The following ASPM variants were observed in gnomAD, a reference collection of about 807,000 sequenced individuals.
ASPM encodes assembly factor for spindle microtubules, also known as abnormal spindle-like microcephaly-associated protein.
Under a neutral mutation model 366.4 loss-of-function variants are expected in ASPM, and 256 were observed. That is an observed-to-expected ratio of 0.70 (90% CI 0.63 to 0.77). The LOEUF is 0.77. ASPM is among the 30% of genes least tolerant of loss of function. ASPM has a pLI of 0.00. For missense variants in ASPM, 4,146 were observed against 4,090.4 expected, an observed-to-expected ratio of 1.01 and a Z score of -0.37; for synonymous variants, 1,414 against 1,342.9, an observed-to-expected ratio of 1.05 and a Z score of -1.16.
At position 197,103,287 on chromosome 1, in the gene ASPM, CTTT is replaced by C. The variant is rs1385029668; in HGVS notation, c.5961_5963del (p.Lys1989del). The C allele has an allele frequency of 3.1e-6, 5 of 1,612,972 alleles. No homozygotes were observed. In the South Asian group the frequency reaches 3.3e-5, roughly 11 times the overall value. On this transcript the variant is annotated inframe_deletion, in exon 18 of 28. Coordinates refer to ENST00000367409, the MANE Select transcript of ASPM (RefSeq NM_018136.5). ...CAGCTTTTTTCATGATTTTCCACTTCTTTTGTTGCACATGCATTCTATAGTATG... is the reference window on the plus strand; with the variant it reads ...CAGCTTTTTTCATGATTTTCCACTTCTGTTGCACATGCATTCTATAGTATG...
At chr1:197,123,921 G>A (rs1188174284) in intron 13 of ASPM, among the ~76,000 whole-genome samples, 189 bp downstream of exon 13, 1 of 152,040 alleles carries the variant, frequency 6.6e-6, no homozygotes, top group African/African-American at 2.4e-5. Flanking sequence ...AAATTATCAT[G>A]TATCACACAA....
At chr1:197,085,449 T>C (rs978518082) in intron 27 of ASPM, among the ~76,000 whole-genome samples, 2 of 152,108 alleles carry the variant, frequency 1.3e-5, no homozygotes, top group Non-Finnish European at 2.9e-5. Context: ...TCTTCTCACA[T>C]AATTCCCTAC....
chr1:197,098,248 A>G (rs1312374737), intron 18 of ASPM, among the ~76,000 whole-genome samples: 1 of 151,228 alleles, frequency 6.6e-6, no homozygotes, highest in Non-Finnish European at 1.5e-5. Context: ...AGTAATGTAT[A>G]CTATATCCCA....
rs376541100 is a variant in ASPM, at chr1:197,117,899, C to A, written c.3955G>T (p.Ala1319Ser). The change falls in exon 17 of 28, where the codon GCA becomes TCA. Residue 1319 changes from alanine to serine, a missense_variant. By Grantham distance (99) the Ala-to-Ser change is moderately conservative (BLOSUM62 1). Transcript: ENST00000367409. The part of the protein sequence containing the change: ...KQRLRKRVNA[A>S]LVIQKYWRRV... ...CGCCAATATTTCTGAATGACGAGTG[C>A]TGCATTAACTCTTTTTCTCAATCTT... is the stretch of plus-strand genomic sequence containing the variant. 78 of 1,613,136 alleles carry A rather than the reference C, an allele frequency of 4.8e-5. No individual in the cohort carries two copies. In the East Asian group the frequency reaches 5.6e-4, roughly 12 times the overall value.
chr1:197,135,646 T>G (rs1658398293), intron 4 of ASPM, among the ~76,000 whole-genome samples: 3 of 148,440 alleles, frequency 2.0e-5, no homozygotes, highest in Admixed American at 6.7e-5. Context: ...TTTTTTTTTT[T>G]GCCTTTTTGG....
chr1:197,143,345 AAC>A lies in ASPM; in HGVS notation c.905_906del (p.Cys302PhefsTer22), dbSNP rs1366638873. 6.2e-7 allele frequency: 1 copy of A among 1,614,014 alleles called. No homozygotes were observed. Among genetic ancestry groups the A allele is most frequent in the African/African-American group, 1.3e-5 (1 of 75,074 alleles). On this transcript the variant is annotated frameshift_variant, in exon 3 of 28. Coordinates refer to ENST00000367409, the MANE Select transcript of ASPM (RefSeq NM_018136.5). LOFTEE classifies it high-confidence loss of function. ...ENSKLSLTPN[C>X]SSTLNITQSQ... The stretch of plus-strand genomic sequence containing the variant: ...CTTTGTGTAATGTTCAAAGTTGAAG[AAC>A]AGTTGGGGGTAAGACTAAGTTTACT...
chr1:197,087,610 T>C (rs1656637208), intron 26 of ASPM, among the ~76,000 whole-genome samples: 1 of 152,106 alleles, frequency 6.6e-6, no homozygotes, highest in Non-Finnish European at 1.5e-5. Flanking sequence ...ACCTCTGCAG[T>C]TTCCAAAGTC....
At chr1:197,134,185 C>T (rs1370168380) in intron 5 of ASPM, among the ~76,000 whole-genome samples, 1 of 151,548 alleles carries the variant, frequency 6.6e-6, no homozygotes, top group Non-Finnish European at 1.5e-5. Flanking sequence ...ATTCCTCGAG[C>T]CTAGGAGTTC....
At chr1:197,110,786 AC>A (rs1328735580) in intron 17 of ASPM, among the ~76,000 whole-genome samples, 1 of 152,128 alleles carries the variant, frequency 6.6e-6, no homozygotes, top group Non-Finnish European at 1.5e-5. Flanking sequence ...AGGGTAGAGA[AC>A]CCAAAAATAA....
Position 197,091,943 on chromosome 1 carries a change from A to G in ASPM, c.9408T>C (p.Asn3136=), listed in dbSNP as rs751471733. Residue 3136 remains asparagine, a synonymous_variant, in exon 22 of 28, where the codon AAT becomes AAC. Coordinates refer to ENST00000367409, the MANE Select transcript of ASPM (RefSeq NM_018136.5). ...TGACTGAATTAACCTGCTTGTTAGC[A>G]TTCTTCACAGCCAGGTAAAGTTTAT... is the stretch of plus-strand genomic sequence containing the variant. ...RAYKLYLAVK[N]ANKQVNSVIC... is the part of the protein sequence containing the mutation. 6.2e-7 allele frequency: 1 copy of G among 1,611,260 alleles called. No individual in the cohort carries two copies. Among genetic ancestry groups the G allele is most frequent in the Admixed American group, 1.7e-5 (1 of 59,898 alleles).
In ASPM at chr1:197,102,667, A is replaced by G; in HGVS notation, c.6584T>C (p.Leu2195Pro). 1 of 1,612,670 alleles carries G rather than the reference A, an allele frequency of 6.2e-7. No individual in the cohort carries two copies. Residue 2195 changes from leucine (L) to proline (P), a missense_variant, in exon 18 of 28, where the codon CTC (leucine) becomes CCC (proline). This residue lies in a region of ASPM where 3,624 missense variants were observed against 3,591.7 expected (regional missense o/e 1.01). Coordinates refer to ENST00000367409, the MANE Select transcript of ASPM (RefSeq NM_018136.5). The part of the protein sequence containing the change: ...TLRKMQTAAT[L>P]IQSNYRRYRQ... ...GTATCTTCTGTAGTTTGACTGAATGAGTGTTGCTGCAGTCTGCATCTTTCT... is the reference window on the plus strand; with the variant it reads ...GTATCTTCTGTAGTTTGACTGAATGGGTGTTGCTGCAGTCTGCATCTTTCT...
intron 23 of ASPM, 44 bp downstream of exon 23, chr1:197,090,806 T>G (rs1325141440): frequency 6.4e-7 from 1 of 1,557,856 alleles, no homozygotes; most frequent in Non-Finnish European, 8.8e-7. Flanking sequence ...GTAGATGAAT[T>G]GCAAACTAAA....
At chr1:197,137,857 A>G (rs1406511800) in intron 4 of ASPM, among the ~76,000 whole-genome samples, 1 of 152,120 alleles carries the variant, frequency 6.6e-6, no homozygotes, top group Non-Finnish European at 1.5e-5. Context: ...AATGCAACTC[A>G]TGGCTTCTCA....
intron 22 of ASPM, 96 bp downstream of exon 22, chr1:197,091,811 C>T: frequency 7.7e-7 from 1 of 1,299,280 alleles, no homozygotes; most frequent in Non-Finnish European, 1.1e-6. Context: ...TGTTGTACGA[C>T]CTTAGCATAA....
At chr1:197,118,006 T>A in intron 16 of ASPM, 23 bp from the exon 17 acceptor site, 1 of 1,599,456 alleles carries the variant, frequency 6.3e-7, no homozygotes, top group Non-Finnish European at 8.6e-7. Context: ...AGTCAGCAAA[T>A]GTAAATTAAA....
At chr1:197,091,823 G>A in intron 22 of ASPM, 84 bp downstream of exon 22, 1 of 1,395,544 alleles carries the variant, frequency 7.2e-7, no homozygotes, top group Non-Finnish European at 1.0e-6. Flanking sequence ...TTAGCATAAA[G>A]CATTTGGAAA....
At chr1:197,135,964 CAAAA>C (rs1330844817) in intron 4 of ASPM, among the ~76,000 whole-genome samples, 1 of 152,030 alleles carries the variant, frequency 6.6e-6, no homozygotes, top group African/African-American at 2.4e-5. Context: ...AAAAACAAAA[CAAAA>C]AGACAATGTG....
chr1:197,122,960 C>T (rs1204253802), intron 13 of ASPM, among the ~76,000 whole-genome samples: 31 of 152,010 alleles, frequency 2.0e-4, no homozygotes, highest in Admixed American at 1.9e-3. Context: ...AATATTGAAC[C>T]ATTGCATAGA....
rs906908279 is a variant in ASPM, at chr1:197,101,316, G to A, written c.7935C>T (p.Leu2645=). 14 of 1,611,458 alleles carry A rather than the reference G, an allele frequency of 8.7e-6. No individual in the cohort carries two copies. Among genetic ancestry groups the A allele is most frequent in the Non-Finnish European group, 1.1e-5 (13 of 1,178,876 alleles). ...TAGAAACTACTGTTGCTCTAAGGTG[G>A]AGATAATGCTTCCTTATTTTAAAGG... The part of the protein sequence containing the change: ...CKAFKIRKHY[L]HLRATVVSIQ... Residue 2645 remains leucine (L), a synonymous_variant, in exon 18 of 28, where the codon CTC becomes CTT. Transcript: ENST00000367409.
Sources: gnomAD v4.1 joint callset for allele counts (sites outside exome capture counted in the v4.1 genomes callset) on GRCh38, gnomAD v4.1.1 for gene constraint, gnomAD v4.1.1 regional missense constraint, MANE v1.5 for transcripts, NCBI Gene and HGNC (gene_info 2026-07-23, HGNC 2026-07-21) for gene names.